FAM53B: variants seen among roughly 807,000 people sequenced by gnomAD.
FAM53B encodes the protein protein FAM53B.
Under a neutral mutation model 32.7 loss-of-function variants are expected in FAM53B, and 12 were observed. The observed-to-expected ratio is 0.37, with a 90% CI of 0.24 to 0.59. The LOEUF is 0.59. Among genes scored for constraint, FAM53B ranks in the 20% least tolerant of loss-of-function variants. The pLI, the probability that FAM53B is intolerant of heterozygous loss-of-function variation, is 0.72. For synonymous variants in FAM53B, 234 were observed against 228.7 expected, an observed-to-expected ratio of 1.02 and a Z score of -0.21; for missense variants, 477 against 577.7, an observed-to-expected ratio of 0.83 and a Z score of 1.79.
At chr10:124,672,825 T>TG (rs1949714617) in intron 4 of FAM53B, among the ~76,000 whole-genome samples, 1 of 152,268 alleles carries the variant, frequency 6.6e-6, no homozygotes, top group South Asian at 2.1e-4. Flanking sequence ...GTGCAAGGAC[T>TG]GGGGGGTAAG....
At chr10:124,685,935 A>C (rs999038270) in intron 3 of FAM53B, among the ~76,000 whole-genome samples, 1 of 152,132 alleles carries the variant, frequency 6.6e-6, no homozygotes, top group Non-Finnish European at 1.5e-5. Context: ...TGTTTCCGGG[A>C]AAGAAGACAA....
chr10:124,661,827 G>A (rs116132644), intron 4 of FAM53B, among the ~76,000 whole-genome samples: 10 of 152,262 alleles, frequency 6.6e-5, no homozygotes, highest in African/African-American at 2.4e-4. Flanking sequence ...ATCCACAACA[G>A]TGACAACTGT....
Position 124,681,862 on chromosome 10 carries a change from G to A in FAM53B, c.651C>T (p.Pro217=), listed in dbSNP as rs777361298. Residue 217 remains proline, a synonymous_variant, in exon 4 of 5, where the codon CCC becomes CCT. Transcript: ENST00000337318. ...AGDTWSPDLH[P]VGGGRLDLQR... ...GCAGGTCCAGCCGGCCTCCTCCCAC[G>A]GGGTGCAGGTCAGGGCTCCAGGTGT... is the stretch of plus-strand genomic sequence containing the variant. The A allele has an allele frequency of 1.5e-5, 25 of 1,613,130 alleles. No homozygotes were observed. The highest frequency in any genetic ancestry group is 2.0e-5 in the Non-Finnish European group (24 of 1,179,680).
At chr10:124,690,107 C>T (rs1204061824) in intron 3 of FAM53B, among the ~76,000 whole-genome samples, 1 of 152,236 alleles carries the variant, frequency 6.6e-6, no homozygotes, top group Non-Finnish European at 1.5e-5. Context: ...CTGATGTACA[C>T]AGCAAAGCGG....
chr10:124,647,320 G>A (rs542817286), intron 4 of FAM53B, among the ~76,000 whole-genome samples: 1 of 152,256 alleles, frequency 6.6e-6, no homozygotes, highest in South Asian at 2.1e-4. Context: ...TGTCTCTGAG[G>A]AGCGGCCCCA....
chr10:124,721,350 C>G (rs1053056435), intron 1 of FAM53B, among the ~76,000 whole-genome samples: 5 of 152,278 alleles, frequency 3.3e-5, no homozygotes, highest in Admixed American at 3.3e-4. Context: ...AAACTACTGA[C>G]TAGAACTGTG....
chr10:124,631,466 G>A (rs961367955), intron 4 of FAM53B, among the ~76,000 whole-genome samples: 1 of 152,184 alleles, frequency 6.6e-6, no homozygotes, highest in Non-Finnish European at 1.5e-5. Flanking sequence ...TCCAGCAGGT[G>A]CCCTGTGGAC....
In FAM53B at chr10:124,719,804, G is replaced by T. The variant is rs1481716505; in HGVS notation, c.-174-12917C>A. Among the ~76,000 whole-genome samples the T allele has an allele frequency of 2.6e-5, 4 of 152,306 alleles. No individual in the cohort carries two copies. The East Asian group carries it at 7.7e-4, about 29-fold the overall frequency. ...GGCCTTCACCTCGCTGTGGAAAGGG[G>T]TTCTTCCCCAGTGTCATCTGGATGG... On this transcript the variant is annotated intron_variant, in intron 1 of 4. Transcript: ENST00000337318.
At chr10:124,689,203 T>A (rs1290065641) in intron 3 of FAM53B, among the ~76,000 whole-genome samples, 1 of 152,022 alleles carries the variant, frequency 6.6e-6, no homozygotes, top group South Asian at 2.1e-4. Flanking sequence ...AATGGGAAAA[T>A]CAAGAGAGCC....
chr10:124,739,043 C>CAAAAAAAAAA (rs374990179), intron 1 of FAM53B, among the ~76,000 whole-genome samples: 2 of 107,702 alleles, frequency 1.9e-5, no homozygotes, highest in African/African-American at 3.4e-5. Context: ...CTCCAAAAAA[C>CAAAAAAAAAA]AAAAAAAAAA....
intron 4 of FAM53B, among the ~76,000 whole-genome samples, chr10:124,668,382 A>T (rs1337795789): frequency 1.3e-5 from 2 of 152,246 alleles, no homozygotes; most frequent in Non-Finnish European, 2.9e-5. Context: ...TTTATTTGCC[A>T]TCAATTCTCA....
At chr10:124,732,845 T>A (rs558202736) in intron 1 of FAM53B, among the ~76,000 whole-genome samples, 1 of 150,134 alleles carries the variant, frequency 6.7e-6, no homozygotes, top group Non-Finnish European at 1.5e-5. Context: ...AAAAAAAAAA[T>A]CTTTTTTTCC....
At position 124,681,746 on chromosome 10, in the gene FAM53B, A is replaced by T; in HGVS notation, c.767T>A (p.Leu256Gln). Reference protein sequence around the residue: ...ANSTPASTPELARRSSGLSRS... With the variant: ...ANSTPASTPEQARRSSGLSRS... Reference sequence around the variant, plus strand: ...GGAAAGGCCGCTGGAGCGTCTCGCCAGCTCTGGTGTTGAGGCAGGTGTGCT... The same window carrying T: ...GGAAAGGCCGCTGGAGCGTCTCGCCTGCTCTGGTGTTGAGGCAGGTGTGCT... The change falls in exon 4 of 5, where the codon CTG (leucine) becomes CAG (glutamine). Residue 256 changes from leucine to glutamine, a missense_variant. Leu to Gln is a moderately radical substitution (Grantham distance 113, BLOSUM62 -2). Around this residue, in one of 2 missense-constraint regions of FAM53B, gnomAD observed 312 missense variants for 420.2 expected, o/e 0.74. Coordinates refer to ENST00000337318, the MANE Select transcript of FAM53B (RefSeq NM_014661.4). 6.2e-7 allele frequency: 1 copy of T among 1,610,054 alleles called. No homozygotes were observed. The highest frequency in any genetic ancestry group is 2.2e-5 in the East Asian group (1 of 44,744).
At chr10:124,692,980 C>T (rs986990050) in intron 3 of FAM53B, among the ~76,000 whole-genome samples, 3 of 152,144 alleles carry the variant, frequency 2.0e-5, no homozygotes, top group African/African-American at 7.2e-5. Flanking sequence ...ACAGGGCCAA[C>T]TGTCCCCAGC....
At chr10:124,625,043 C>A (rs575506178) in intron 4 of FAM53B, among the ~76,000 whole-genome samples, 26 of 152,348 alleles carry the variant, frequency 1.7e-4, no homozygotes, top group African/African-American at 6.3e-4. Context: ...CCTCGCCGCA[C>A]GCCTGCTGAC....
At chr10:124,658,267 C>T (rs186469804) in intron 4 of FAM53B, among the ~76,000 whole-genome samples, 22 of 152,318 alleles carry the variant, frequency 1.4e-4, no homozygotes, top group Middle Eastern at 3.4e-3. Flanking sequence ...TGGCCATATT[C>T]GGTGCTGCCA....
intron 1 of FAM53B, among the ~76,000 whole-genome samples, chr10:124,719,028 T>G (rs919754241): frequency 2.8e-5 from 4 of 143,512 alleles, no homozygotes; most frequent in African/African-American, 1.0e-4. Flanking sequence ...CAGAGAAAGA[T>G]CCTGTCTCAC....
intron 4 of FAM53B, among the ~76,000 whole-genome samples, chr10:124,646,128 G>A (rs957597316): frequency 3.9e-5 from 6 of 152,184 alleles, no homozygotes; most frequent in Admixed American, 3.3e-4. Context: ...TCATGACTGC[G>A]GGAGGGGGAA....
chr10:124,650,863 G>C (rs1233047668), intron 4 of FAM53B, among the ~76,000 whole-genome samples: 1 of 152,156 alleles, frequency 6.6e-6, no homozygotes, highest in Non-Finnish European at 1.5e-5. Flanking sequence ...TCATCCTAAA[G>C]TGGATTTTCT....
Sources: allele counts gnomAD v4.1 joint callset (sites outside exome capture counted in the v4.1 genomes callset), GRCh38; gene constraint gnomAD v4.1.1; regional missense constraint gnomAD v4.1.1; transcripts MANE v1.5; gene names NCBI Gene and HGNC (gene_info 2026-07-23, HGNC 2026-07-21).